Variants in SPRY3 observed in about 807,000 individuals in gnomAD.
The protein encoded by SPRY3 is sprouty RTK signaling antagonist 3.
In SPRY3, 15 loss-of-function variants were observed where a neutral mutation model predicts 20.2. The observed-to-expected ratio is 0.74, with a 90% CI of 0.50 to 1.14. The LOEUF is 1.14. Among genes scored for constraint, SPRY3 ranks in the 50% most tolerant of loss-of-function variants. SPRY3 has a pLI of 0.00. For missense variants in SPRY3, 364 were observed against 363.9 expected, an observed-to-expected ratio of 1.00 and a Z score of 0.00; for synonymous variants, 143 against 136.5, an observed-to-expected ratio of 1.05 and a Z score of -0.33.
intron 2 of SPRY3, among the ~76,000 whole-genome samples, chrX:155,748,700 C>G (rs1421032668): frequency 4.0e-5 from 6 of 151,782 alleles, no homozygotes; most frequent in East Asian, 3.9e-4. Context: ...CATGGAATGT[C>G]TGACTGCTAC....
chrX:155,678,621 A>G (rs986717373), intron 2 of SPRY3, among the ~76,000 whole-genome samples: 7 of 111,695 alleles, frequency 6.3e-5, no homozygotes, highest in African/African-American at 2.3e-4. Flanking sequence ...TTGTTAAAGA[A>G]CTGAAAAGAG....
At chrX:155,710,826 G>A (rs1412250530) in intron 2 of SPRY3, among the ~76,000 whole-genome samples, 1 of 151,676 alleles carries the variant, frequency 6.6e-6, no homozygotes, top group Non-Finnish European at 1.5e-5. Flanking sequence ...TTATGTTGAA[G>A]TATGTTCCAT....
At chrX:155,622,293 G>A (rs782800431) in intron 1 of SPRY3, among the ~76,000 whole-genome samples, 39 of 112,246 alleles carry the variant, frequency 3.5e-4, no homozygotes, top group African/African-American at 1.2e-3. Flanking sequence ...AGGATTGTGG[G>A]TATTGAAAAC....
At chrX:155,713,842 T>C (rs750282132) in intron 2 of SPRY3, among the ~76,000 whole-genome samples, 1 of 152,188 alleles carries the variant, frequency 6.6e-6, no homozygotes, top group Admixed American at 6.5e-5. Flanking sequence ...TTTGCCCTTT[T>C]GAGACTATTT....
intron 2 of SPRY3, among the ~76,000 whole-genome samples, chrX:155,688,722 G>T (rs641588): frequency 0.31 from 31,888 of 103,890 alleles, 4,993 homozygotes; most frequent in African/African-American, 0.52. Flanking sequence ...GGGGTACATG[G>T]GCAGGATGTG....
chrX:155,752,377 A>C (rs2124584027), intron 2 of SPRY3, among the ~76,000 whole-genome samples: 1 of 151,946 alleles, frequency 6.6e-6, no homozygotes, highest in African/African-American at 2.4e-5. Context: ...ATAATTCCAT[A>C]ATGGAAAACA....
intron 2 of SPRY3, among the ~76,000 whole-genome samples, chrX:155,661,025 T>C (rs1409115198): frequency 8.9e-6 from 1 of 111,851 alleles, no homozygotes; most frequent in Non-Finnish European, 1.9e-5. Context: ...CCATTTGCTT[T>C]CAAGATTAAT....
intron 2 of SPRY3, among the ~76,000 whole-genome samples, chrX:155,705,673 C>T (rs2090945668): frequency 1.3e-5 from 2 of 151,250 alleles, no homozygotes; most frequent in South Asian, 4.2e-4. Context: ...TGGAGAAATA[C>T]ATATAATGCA....
At chrX:155,627,833 G>A (rs918209867) in intron 1 of SPRY3, among the ~76,000 whole-genome samples, 2 of 105,922 alleles carry the variant, frequency 1.9e-5, no homozygotes, top group African/African-American at 6.9e-5. Context: ...CAACAGGCCC[G>A]TTATGTATTG....
chrX:155,739,176 G>C (rs1602978970), intron 2 of SPRY3, among the ~76,000 whole-genome samples: 1 of 152,194 alleles, frequency 6.6e-6, no homozygotes, highest in African/African-American at 2.4e-5. Context: ...AGCTGCTGCT[G>C]TGCCGGATCA....
At chrX:155,712,306 TTATTG>T (rs2090992424) in intron 2 of SPRY3, among the ~76,000 whole-genome samples, 1 of 151,990 alleles carries the variant, frequency 6.6e-6, no homozygotes, top group African/African-American at 2.4e-5. Flanking sequence ...CCTTCAGCTA[TTATTG>T]TATTGGGGTC....
chrX:155,718,172 G>C (rs928426638), intron 2 of SPRY3, among the ~76,000 whole-genome samples: 2 of 145,794 alleles, frequency 1.4e-5, no homozygotes, highest in South Asian at 4.3e-4. Context: ...TACTTGTTTT[G>C]TCAGGAGAGG....
intron 2 of SPRY3, among the ~76,000 whole-genome samples, chrX:155,733,135 T>TAA (rs987059071): frequency 6.6e-6 from 1 of 151,898 alleles, no homozygotes; most frequent in African/African-American, 2.4e-5. Context: ...TTGTACATTT[T>TAA]AAGATAACTA....
intron 2 of SPRY3, among the ~76,000 whole-genome samples, chrX:155,664,226 T>C (rs1557354019): frequency 1.8e-5 from 2 of 110,678 alleles, no homozygotes; most frequent in African/African-American, 6.5e-5. Flanking sequence ...GAACGTAGAG[T>C]TATACTATGT....
At chrX:155,761,382 T>G (rs890479595) in intron 2 of SPRY3, among the ~76,000 whole-genome samples, 4 of 152,200 alleles carry the variant, frequency 2.6e-5, no homozygotes, top group African/African-American at 9.7e-5. Flanking sequence ...AAAACAGAAT[T>G]TGTTCTTTTT....
intron 2 of SPRY3, among the ~76,000 whole-genome samples, chrX:155,679,194 A>G (rs928410630): frequency 8.9e-6 from 1 of 112,044 alleles, no homozygotes; most frequent in South Asian, 3.7e-4. Flanking sequence ...CTTAAAGTAT[A>G]ATAAATAAGT....
chrX:155,758,109 CTG>C (rs1465050926), intron 2 of SPRY3, among the ~76,000 whole-genome samples: 12 of 152,168 alleles, frequency 7.9e-5, no homozygotes, highest in Admixed American at 2.0e-4. Context: ...TTTTAGCAGA[CTG>C]TGAGTAATGA....
chrX:155,681,729 A>C (rs1224418454), intron 2 of SPRY3, among the ~76,000 whole-genome samples: 1 of 112,718 alleles, frequency 8.9e-6, no homozygotes, highest in Non-Finnish European at 1.9e-5. Flanking sequence ...AGATCAAACC[A>C]ACCACAGAAT....
At chrX:155,751,968 TAA>T (rs2091265660) in intron 2 of SPRY3, among the ~76,000 whole-genome samples, 6 of 88,298 alleles carry the variant, frequency 6.8e-5, no homozygotes, top group African/African-American at 3.1e-4. Context: ...TAAAATAAAA[TAA>T]AATAAAATAA....
Sources: allele counts gnomAD v4.1 joint callset (sites outside exome capture counted in the v4.1 genomes callset), GRCh38; gene constraint gnomAD v4.1.1; transcripts MANE v1.5; gene names NCBI Gene and HGNC (gene_info 2026-07-23, HGNC 2026-07-21).